Variants in IL19 observed in about 807,000 individuals in gnomAD.
IL19 encodes interleukin 19, also known as interleukin-19.
A neutral mutation model predicts 19.5 loss-of-function variants in IL19; 15 were observed. The ratio of observed to expected loss-of-function variants is 0.77; its 90% CI spans 0.52 to 1.19. The LOEUF (loss-of-function observed/expected upper bound fraction) is 1.19. Among genes scored for constraint, IL19 ranks in the 50% most tolerant of loss-of-function variants. IL19 has a pLI of 0.00. For missense variants in IL19, 199 were observed against 213.1 expected, an observed-to-expected ratio of 0.93 and a Z score of 0.41; for synonymous variants, 78 against 78.3, an observed-to-expected ratio of 1.00 and a Z score of 0.02.
At chr1:206,808,176 C>T (rs529399318) in intron 2 of IL19, among the ~76,000 whole-genome samples, 1 of 152,224 alleles carries the variant, frequency 6.6e-6, no homozygotes, top group Admixed American at 6.5e-5. Flanking sequence ...ACTAAAAATA[C>T]AAAAATTAGC....
intron 2 of IL19, among the ~76,000 whole-genome samples, chr1:206,822,144 A>G (rs921762931): frequency 1.3e-5 from 2 of 152,122 alleles, no homozygotes; most frequent in Non-Finnish European, 1.5e-5. Context: ...GGGAAAGGGG[A>G]ATTTCCAAGA....
At chr1:206,794,785 C>A (rs1352736305) in intron 1 of IL19, among the ~76,000 whole-genome samples, 2 of 152,172 alleles carry the variant, frequency 1.3e-5, no homozygotes, top group Non-Finnish European at 2.9e-5. Context: ...CCCTGGACCA[C>A]ATTTTGTGAC....
At chr1:206,826,453 A>G (rs1218352124) in intron 2 of IL19, among the ~76,000 whole-genome samples, 1 of 152,206 alleles carries the variant, frequency 6.6e-6, no homozygotes, top group African/African-American at 2.4e-5. Flanking sequence ...GGTTTCTTCC[A>G]GGAAACAATG....
At position 206,772,754 on chromosome 1, in the gene IL19, A is replaced by G. The variant is rs545539431; in HGVS notation, c.-149+1676A>G. 2.0e-5 allele frequency among the ~76,000 whole-genome samples: 3 copies of G among 152,320 alleles called. No individual in the cohort carries two copies. The East Asian group carries it at 5.8e-4, about 29-fold the overall frequency. ...TAATTTTTTAGCTTCTCAATTAAAA[A>G]AAGTTGATTTCCTGGGGAGAACAGC... On this transcript the variant is annotated intron_variant, in intron 1 of 6. Transcript: ENST00000659997.
chr1:206,828,991 G>A (rs74995542), intron 2 of IL19: 109 of 148,642 alleles, frequency 7.3e-4, no homozygotes, highest in African/African-American at 2.7e-3. Context: ...CTACAGGCAG[G>A]CATGTGCCAA....
At chr1:206,790,340 GA>G (rs932200159) in intron 1 of IL19, among the ~76,000 whole-genome samples, 1 of 151,798 alleles carries the variant, frequency 6.6e-6, no homozygotes, top group South Asian at 2.1e-4. Context: ...CAGTATCCCA[GA>G]AAAAAAACTG....
chr1:206,778,503 T>C (rs114562054), intron 1 of IL19, among the ~76,000 whole-genome samples: 2,150 of 152,248 alleles, frequency 0.014, 50 homozygotes, highest in African/African-American at 0.049. Flanking sequence ...CTCCACTGGA[T>C]GGCTGGCACC....
intron 2 of IL19, among the ~76,000 whole-genome samples, chr1:206,823,560 A>T (rs1057418493): frequency 6.6e-6 from 1 of 152,018 alleles, no homozygotes; most frequent in East Asian, 1.9e-4. Context: ...TAAAAAAAAA[A>T]AAAGACACCA....
At chr1:206,786,654 A>G (rs2102451839) in intron 1 of IL19, among the ~76,000 whole-genome samples, 1 of 152,236 alleles carries the variant, frequency 6.6e-6, no homozygotes, top group East Asian at 1.9e-4. Flanking sequence ...TATTGGCTGC[A>G]GTGGTGGGAA....
At chr1:206,791,170 G>A (rs909655342) in intron 1 of IL19, among the ~76,000 whole-genome samples, 2 of 152,174 alleles carry the variant, frequency 1.3e-5, no homozygotes, top group African/African-American at 4.8e-5. Flanking sequence ...TGGTAAGAAA[G>A]AGATTGTTTC....
At chr1:206,796,989 C>T (rs554321445) in intron 1 of IL19, among the ~76,000 whole-genome samples, 1 of 152,110 alleles carries the variant, frequency 6.6e-6, no homozygotes, top group Non-Finnish European at 1.5e-5. Flanking sequence ...AAGTATTGCT[C>T]GAAAACCGGA....
intron 2 of IL19, chr1:206,833,632 T>A: frequency 1.0e-6 from 1 of 982,520 alleles, no homozygotes; most frequent in Non-Finnish European, 1.2e-6. Flanking sequence ...GGTAATTTAG[T>A]TAGAGAGTCT....
chr1:206,778,053 G>C (rs17015767), intron 1 of IL19, among the ~76,000 whole-genome samples: 27,288 of 152,202 alleles, frequency 0.18, 2,875 homozygotes, highest in Non-Finnish European at 0.24. Flanking sequence ...CAGAATAAAC[G>C]CCTGGTGGGC....
At chr1:206,807,298 A>T (rs1443844265) in intron 2 of IL19, among the ~76,000 whole-genome samples, 1 of 152,214 alleles carries the variant, frequency 6.6e-6, no homozygotes, top group Admixed American at 6.5e-5. Context: ...ATCCTATGGC[A>T]TGTAGAGTCA....
chr1:206,838,458 A>T (rs998458430), intron 4 of IL19, among the ~76,000 whole-genome samples: 8 of 152,222 alleles, frequency 5.3e-5, no homozygotes, highest in African/African-American at 1.9e-4. Flanking sequence ...TGGTGAAGAG[A>T]TGTAGCCACT....
chr1:206,774,545 C>T lies in IL19; in HGVS notation c.-149+3467C>T, dbSNP rs542349113. Among the ~76,000 whole-genome samples the T allele has an allele frequency of 6.5e-4, 99 of 152,306 alleles. 1 individual carries two copies. The highest frequency in any genetic ancestry group is 1.9e-4 in the Non-Finnish European group (13 of 68,024). On this transcript the variant is annotated intron_variant, in intron 1 of 6. Transcript: ENST00000659997. ...AAGTGGACTCAGCATGGGCACCAGG[C>T]AGGCCAGGGGTTCTGGACTCTGGGT...
chr1:206,838,142 G>A (rs1230638200), intron 4 of IL19, among the ~76,000 whole-genome samples: 5 of 152,204 alleles, frequency 3.3e-5, no homozygotes, highest in Non-Finnish European at 5.9e-5. Flanking sequence ...TGGACAACGT[G>A]AGGCAGGAAA....
In IL19 at chr1:206,772,127, G is replaced by T; in HGVS notation, c.-149+1049G>T. 3.9e-6 allele frequency: 3 copies of T among 765,668 alleles called. No homozygotes were observed. The South Asian group carries it at 4.5e-5, about 11-fold the overall frequency. 47.4% of individuals were successfully genotyped at this position (765,668 alleles called of 1,614,324 possible). A position where few individuals can be genotyped will look rare whatever the true frequency, so the allele number is the denominator to read the frequency against. On this transcript the variant is annotated intron_variant, in intron 1 of 6. Coordinates refer to ENST00000659997, the MANE Select transcript of IL19 (RefSeq NM_153758.5). ...TCACCAAACCCATGGCTTGATCTAG[G>T]ATTCTCTTAAGAATTTAAGTTTGGG...
intron 1 of IL19, among the ~76,000 whole-genome samples, chr1:206,795,925 A>ATGTGTG (rs1316791210): frequency 1.3e-3 from 167 of 132,340 alleles, no homozygotes; most frequent in African/African-American, 4.6e-3. Context: ...ATAAATATAT[A>ATGTGTG]TATGTGTGTG....
Sources: gnomAD v4.1 joint callset for allele counts (sites outside exome capture counted in the v4.1 genomes callset) on GRCh38, gnomAD v4.1.1 for gene constraint, MANE v1.5 for transcripts, NCBI Gene and HGNC (gene_info 2026-07-23, HGNC 2026-07-21) for gene names.